The following ZNF407 variants were observed in gnomAD, a reference collection of about 807,000 sequenced individuals.
ZNF407 encodes the protein zinc finger protein 407.
ZNF407 carries 17 observed loss-of-function variants against 131.2 expected under a neutral mutation model. The observed-to-expected ratio is 0.13, with a 90% CI of 0.09 to 0.19. ZNF407 has a LOEUF of 0.19. Among genes scored for constraint, ZNF407 ranks in the 10% least tolerant of loss-of-function variants. The pLI is 1.00. For synonymous variants in ZNF407, 1,156 were observed against 1,062.0 expected, an observed-to-expected ratio of 1.09 and a Z score of -1.72; for missense variants, 2,681 against 2,830.6, an observed-to-expected ratio of 0.95 and a Z score of 1.20.
At chr18:74,734,407 T>G (rs188727321) in intron 3 of ZNF407, among the ~76,000 whole-genome samples, 246 of 152,318 alleles carry the variant, frequency 1.6e-3, no homozygotes, top group African/African-American at 5.6e-3. Context: ...TTCAGTTTTG[T>G]TTTTTATCAT....
chr18:74,767,468 A>T (rs1262935499), intron 3 of ZNF407, among the ~76,000 whole-genome samples: 1 of 152,052 alleles, frequency 6.6e-6, no homozygotes, highest in Non-Finnish European at 1.5e-5. Context: ...AACTTTTATT[A>T]TTAAGTGCAT....
At chr18:74,849,052 C>T (rs143962560) in intron 4 of ZNF407, among the ~76,000 whole-genome samples, 62 of 122,862 alleles carry the variant, frequency 5.0e-4, no homozygotes, top group South Asian at 8.0e-4. Context: ...ACTTTTGTTT[C>T]TTTTTTTTTT....
In ZNF407 at chr18:74,930,533, T is replaced by G. The variant is rs542519233; in HGVS notation, c.5428+9841T>G. On this transcript the variant is annotated intron_variant, in intron 8 of 8. Coordinates refer to ENST00000299687, the MANE Select transcript of ZNF407 (RefSeq NM_017757.3). ...TAAGGTCTGTGATGTTTAAATGGTG[T>G]TTTTTTTCTTTCCTGCATTTCTTCT... is the stretch of plus-strand genomic sequence containing the variant. Among the ~76,000 whole-genome samples, 9 of 152,170 alleles carry G rather than the reference T, an allele frequency of 5.9e-5. No individual in the cohort carries two copies. The East Asian group carries it at 1.7e-3, about 29-fold the overall frequency.
intron 4 of ZNF407, 24 bp downstream of exon 4, chr18:74,781,526 A>G (rs539300600): frequency 1.3e-5 from 19 of 1,462,380 alleles, no homozygotes; most frequent in Admixed American, 8.4e-5. Context: ...TTTTTTTTTC[A>G]TTTAAAAATA....
At chr18:74,872,814 A>G (rs1971106947) in intron 4 of ZNF407, among the ~76,000 whole-genome samples, 1 of 151,920 alleles carries the variant, frequency 6.6e-6, no homozygotes, top group Non-Finnish European at 1.5e-5. Context: ...CTTACTGGTA[A>G]AAAATAAAAT....
intron 8 of ZNF407, among the ~76,000 whole-genome samples, chr18:74,967,455 A>T (rs1222068427): frequency 6.6e-6 from 1 of 152,162 alleles, no homozygotes; most frequent in East Asian, 1.9e-4. Context: ...GTACTTAAAA[A>T]TTGCCTCTTG....
At chr18:74,844,747 A>C (rs1050103536) in intron 4 of ZNF407, among the ~76,000 whole-genome samples, 3 of 152,202 alleles carry the variant, frequency 2.0e-5, no homozygotes, top group East Asian at 3.8e-4. Context: ...TGAGAAAACA[A>C]GATAAAATGC....
intron 8 of ZNF407, among the ~76,000 whole-genome samples, chr18:75,028,211 C>T (rs980440042): frequency 3.3e-5 from 5 of 152,226 alleles, no homozygotes; most frequent in Non-Finnish European, 7.3e-5. Context: ...GCACCATGGG[C>T]TGGGCGGCTT....
intron 4 of ZNF407, among the ~76,000 whole-genome samples, chr18:74,835,768 G>A (rs1249143495): frequency 6.6e-6 from 1 of 151,952 alleles, no homozygotes; most frequent in Non-Finnish European, 1.5e-5. Flanking sequence ...TTTATCTGGT[G>A]CTAAGAACAG....
At position 74,993,422 on chromosome 18, in the gene ZNF407, G is replaced by A. The variant is rs558819021; in HGVS notation, c.5429-69728G>A. Among the ~76,000 whole-genome samples the A allele has an allele frequency of 3.9e-5, 6 of 152,296 alleles. No homozygotes were observed. The East Asian group carries it at 5.8e-4, about 15-fold the overall frequency. On this transcript the variant is annotated intron_variant, in intron 8 of 8. Coordinates refer to ENST00000299687, the MANE Select transcript of ZNF407 (RefSeq NM_017757.3). Reference sequence around the variant, plus strand: ...CACTCTGCAGTTCCACTCATTTCCCGAGCCGCAACAGGCAGTTCTCATCCA... The same window carrying A: ...CACTCTGCAGTTCCACTCATTTCCCAAGCCGCAACAGGCAGTTCTCATCCA...
chr18:74,813,628 C>T (rs1390561279), intron 4 of ZNF407, among the ~76,000 whole-genome samples: 2 of 152,116 alleles, frequency 1.3e-5, no homozygotes, highest in African/African-American at 4.8e-5. Flanking sequence ...CTTAGGGAAG[C>T]CAGATGTGTG....
At chr18:74,977,836 A>G (rs1011567354) in intron 8 of ZNF407, among the ~76,000 whole-genome samples, 8 of 152,164 alleles carry the variant, frequency 5.3e-5, no homozygotes, top group Non-Finnish European at 1.2e-4. Context: ...CATGACTCTT[A>G]CTGTGGTTGC....
chr18:74,600,785 A>G (rs1982544841), intron 1 of ZNF407, among the ~76,000 whole-genome samples: 1 of 152,214 alleles, frequency 6.6e-6, no homozygotes, highest in Admixed American at 6.5e-5. Context: ...GGTGTTTAGG[A>G]TGGCTGGATC....
At chr18:74,796,372 G>A (rs1434048658) in intron 4 of ZNF407, among the ~76,000 whole-genome samples, 3 of 152,194 alleles carry the variant, frequency 2.0e-5, no homozygotes, top group African/African-American at 7.2e-5. Context: ...AAATAGGCTT[G>A]TGGATTAGCC....
At chr18:74,735,280 T>G (rs1968386699) in intron 3 of ZNF407, among the ~76,000 whole-genome samples, 1 of 152,200 alleles carries the variant, frequency 6.6e-6, no homozygotes, top group African/African-American at 2.4e-5. Context: ...AGACCTGTTA[T>G]GTTGTTTTTC....
chr18:74,721,538 G>A (rs1968036493), intron 3 of ZNF407, among the ~76,000 whole-genome samples: 1 of 152,178 alleles, frequency 6.6e-6, no homozygotes, highest in African/African-American at 2.4e-5. Flanking sequence ...AGTGAATTCA[G>A]TAAAGTTGCA....
intron 3 of ZNF407, among the ~76,000 whole-genome samples, chr18:74,678,936 T>C (rs947856479): frequency 4.6e-5 from 7 of 151,972 alleles, no homozygotes; most frequent in African/African-American, 1.7e-4. Flanking sequence ...CTTAAACAAG[T>C]GCTGTTGGTA....
chr18:74,667,066 C>T (rs1277188994), intron 3 of ZNF407, among the ~76,000 whole-genome samples: 1 of 152,196 alleles, frequency 6.6e-6, no homozygotes, highest in East Asian at 1.9e-4. Context: ...TTGTCCATCA[C>T]ATCTTGTCAC....
Position 74,634,057 on chromosome 18 carries a change from G to T in ZNF407, c.3038G>T (p.Gly1013Val). The T allele has an allele frequency of 6.2e-7, 1 of 1,614,044 alleles. No homozygotes were observed. The highest frequency in any genetic ancestry group is 2.2e-5 in the East Asian group (1 of 44,882). Residue 1013 changes from glycine (G) to valine (V), a missense_variant, in exon 2 of 9, where the codon GGC becomes GTC. Gly to Val is a moderately radical substitution (Grantham distance 109, BLOSUM62 -3). This residue lies in a region of ZNF407 where 1,789 missense variants were observed against 1,748.7 expected (regional missense o/e 1.02). Transcript: ENST00000299687. ...GTGTACTCCCAGAGAGATGTTACAGGCACAGGTGAGAATAAGTGTTTGCAC... is the reference window on the plus strand; with the variant it reads ...GTGTACTCCCAGAGAGATGTTACAGTCACAGGTGAGAATAAGTGTTTGCAC... ...GDVYSQRDVTGTGENKCLHCE... is the reference protein window; with the variant it reads ...GDVYSQRDVTVTGENKCLHCE...
Sources: gnomAD v4.1 joint callset for allele counts (sites outside exome capture counted in the v4.1 genomes callset) on GRCh38, gnomAD v4.1.1 for gene constraint, gnomAD v4.1.1 regional missense constraint, MANE v1.5 for transcripts, NCBI Gene and HGNC (gene_info 2026-07-23, HGNC 2026-07-21) for gene names.